KCNJ6: variants seen among roughly 807,000 people sequenced by gnomAD.
KCNJ6 encodes potassium inwardly rectifying channel subfamily J member 6.
KCNJ6 carries 9 observed loss-of-function variants against 34.2 expected under a neutral mutation model. The ratio of observed to expected loss-of-function variants is 0.26; its 90% confidence interval spans 0.16 to 0.46. The LOEUF is 0.46. Ranked by LOEUF, KCNJ6 falls within the 20% of genes least tolerant of loss-of-function variation. The probability of loss-of-function intolerance (pLI) is 1.00; values close to 1 mark genes in which losing one functional copy is unlikely to be tolerated. For missense variants in KCNJ6, 236 were observed against 531.3 expected, an observed-to-expected ratio of 0.44 and a Z score of 5.46; for synonymous variants, 196 against 207.1, an observed-to-expected ratio of 0.95 and a Z score of 0.46.
chr21:37,790,856 G>A (rs930850045), intron 2 of KCNJ6, among the ~76,000 whole-genome samples: 5 of 152,198 alleles, frequency 3.3e-5, no homozygotes, highest in Admixed American at 1.3e-4. Flanking sequence ...CGTCCCAAAG[G>A]ATCATACTGG....
chr21:37,823,399 C>T (rs914602792), intron 2 of KCNJ6, among the ~76,000 whole-genome samples: 2 of 152,100 alleles, frequency 1.3e-5, no homozygotes, highest in Admixed American at 6.5e-5. Flanking sequence ...AGAGTCCAAC[C>T]CATATGACAT....
chr21:37,894,228 T>A (rs1003731783), intron 1 of KCNJ6, among the ~76,000 whole-genome samples: 2 of 152,222 alleles, frequency 1.3e-5, no homozygotes, highest in East Asian at 3.8e-4. Context: ...CCTTGCAACA[T>A]CACAATCACC....
Position 37,642,220 on chromosome 21 carries a change from A to G in KCNJ6, c.947-16736T>C, listed in dbSNP as rs558411596. 1.7e-3 allele frequency among the ~76,000 whole-genome samples: 262 copies of G among 152,214 alleles called. 1 individual carries two copies. The highest frequency in any genetic ancestry group is 6.1e-3 in the African/African-American group (254 of 41,530). The stretch of plus-strand genomic sequence containing the variant: ...GATAACAGAAGCCTGGGAGGGGGCG[A>G]GATTGCCTAGGGAGGGTCAAATGAG... On this transcript the variant is annotated intron_variant, in intron 3 of 3. Coordinates refer to ENST00000609713, the MANE Select transcript of KCNJ6 (RefSeq NM_002240.5).
At chr21:37,664,265 G>A (rs2054503771) in intron 3 of KCNJ6, among the ~76,000 whole-genome samples, 1 of 151,954 alleles carries the variant, frequency 6.6e-6, no homozygotes, top group South Asian at 2.1e-4. Context: ...AAAATAATGA[G>A]CGAAACACCC....
intron 2 of KCNJ6, among the ~76,000 whole-genome samples, chr21:37,729,785 C>T (rs2054874867): frequency 6.6e-6 from 1 of 152,234 alleles, no homozygotes; most frequent in Admixed American, 6.5e-5. Context: ...TCAATGCTTC[C>T]CCTGCCAAGA....
At chr21:37,731,225 CAGA>C (rs756518848) in intron 2 of KCNJ6, among the ~76,000 whole-genome samples, 1 of 151,970 alleles carries the variant, frequency 6.6e-6, no homozygotes, top group South Asian at 2.1e-4. Flanking sequence ...CCCAGTGGAG[CAGA>C]AGAAGTGGAA....
At position 37,890,719 on chromosome 21, in the gene KCNJ6, C is replaced by G. The variant is rs16995622; in HGVS notation, c.-28+25165G>C. Among the ~76,000 whole-genome samples the G allele has an allele frequency of 9.8e-3, 1,486 of 152,246 alleles. 29 individuals carry two copies. The highest frequency in any genetic ancestry group is 0.034 in the African/African-American group (1,397 of 41,528). Reference sequence around the variant, plus strand: ...TACAAAGGAATAAAACATGGCGGCTCTGTGTGTCAAAAGGTTTTCCCCTGC... The same window carrying G: ...TACAAAGGAATAAAACATGGCGGCTGTGTGTGTCAAAAGGTTTTCCCCTGC... On this transcript the variant is annotated intron_variant, in intron 1 of 3. Coordinates refer to ENST00000609713, the MANE Select transcript of KCNJ6 (RefSeq NM_002240.5).
chr21:37,765,441 G>C (rs2055086146), intron 2 of KCNJ6, among the ~76,000 whole-genome samples: 1 of 152,214 alleles, frequency 6.6e-6, no homozygotes, highest in African/African-American at 2.4e-5. Flanking sequence ...CAGATGGAGA[G>C]GGTAGGGGTG....
chr21:37,688,868 G>T (rs1355158342), intron 3 of KCNJ6, among the ~76,000 whole-genome samples: 1 of 152,158 alleles, frequency 6.6e-6, no homozygotes, highest in Non-Finnish European at 1.5e-5. Context: ...AGTGTTGGCT[G>T]AAGTATCACA....
At chr21:37,759,223 G>A (rs571028151) in intron 2 of KCNJ6, among the ~76,000 whole-genome samples, 6 of 152,258 alleles carry the variant, frequency 3.9e-5, no homozygotes, top group South Asian at 2.1e-4. Flanking sequence ...TCCTACTCTC[G>A]CCAGCTCTGC....
chr21:37,660,700 A>C (rs937680922), intron 3 of KCNJ6, among the ~76,000 whole-genome samples: 12 of 152,244 alleles, frequency 7.9e-5, no homozygotes, highest in African/African-American at 2.7e-4. Context: ...CATGAGGTTC[A>C]GAGCATGCTG....
intron 3 of KCNJ6, among the ~76,000 whole-genome samples, chr21:37,628,019 AAAAC>A (rs1380213519): frequency 8.5e-5 from 13 of 152,260 alleles, no homozygotes; most frequent in Non-Finnish European, 1.9e-4. Flanking sequence ...AAGTTACTAA[AAAAC>A]AAATAGCAAT....
At chr21:37,785,495 T>G (rs994027267) in intron 2 of KCNJ6, among the ~76,000 whole-genome samples, 23 of 152,198 alleles carry the variant, frequency 1.5e-4, no homozygotes, top group Admixed American at 5.2e-4. Flanking sequence ...CTCAGTGTGT[T>G]GGGTTTTCAT....
intron 2 of KCNJ6, among the ~76,000 whole-genome samples, chr21:37,814,354 A>G (rs1383931174): frequency 6.6e-6 from 1 of 152,222 alleles, no homozygotes; most frequent in Non-Finnish European, 1.5e-5. Flanking sequence ...TACAACCACT[A>G]TGGAGAACAG....
chr21:37,765,832 T>A (rs943715166), intron 2 of KCNJ6, among the ~76,000 whole-genome samples: 1 of 152,258 alleles, frequency 6.6e-6, no homozygotes, highest in Admixed American at 6.5e-5. Flanking sequence ...GCATGGCAAC[T>A]ATCCTCATTT....
chr21:37,833,782 G>C (rs1433252752), intron 2 of KCNJ6, among the ~76,000 whole-genome samples: 1 of 152,078 alleles, frequency 6.6e-6, no homozygotes, highest in African/African-American at 2.4e-5. Flanking sequence ...TAGAGAGTAG[G>C]GAGTTCTTTC....
chr21:37,876,067 C>T (rs1282011938), intron 1 of KCNJ6, among the ~76,000 whole-genome samples: 1 of 152,150 alleles, frequency 6.6e-6, no homozygotes, highest in East Asian at 1.9e-4. Context: ...ATGCAGGGCC[C>T]TTTGTGCAAA....
At chr21:37,788,567 C>A (rs891933429) in intron 2 of KCNJ6, among the ~76,000 whole-genome samples, 1 of 152,206 alleles carries the variant, frequency 6.6e-6, no homozygotes, top group African/African-American at 2.4e-5. Flanking sequence ...TCTGTTTCCC[C>A]ATCCCTTGGA....
rs373439359 is a variant in KCNJ6, at chr21:37,714,283, T to G, written c.874A>C (p.Ile292Leu). ...TCTTTGGGCAGCTGGGCTTTGGAGA[T>G]CTCCCAGAAAGGACTCTGTTGGTTA... is the stretch of plus-strand genomic sequence containing the variant. Reference protein sequence around the residue: ...EINQQSPFWEISKAQLPKEEL... With the variant: ...EINQQSPFWELSKAQLPKEEL... The change falls in exon 3 of 4, where the codon ATC becomes CTC. Residue 292 changes from isoleucine to leucine, a missense_variant. Transcript: ENST00000609713. This position sits in a 1 kb window ranked among gnomAD's most constrained non-coding sequence, Gnocchi z 5.9. 4 of 1,613,982 alleles carry G rather than the reference T, an allele frequency of 2.5e-6. No individual in the cohort carries two copies. Among genetic ancestry groups the G allele is most frequent in the Non-Finnish European group, 3.4e-6 (4 of 1,179,980 alleles).
Sources: allele counts gnomAD v4.1 joint callset (sites outside exome capture counted in the v4.1 genomes callset), GRCh38; gene constraint gnomAD v4.1.1; non-coding constraint Gnocchi (gnomAD v3.1); transcripts MANE v1.5; gene names NCBI Gene and HGNC (gene_info 2026-07-23, HGNC 2026-07-21).